The following CTNNA2 variants were observed in gnomAD, a reference collection of about 807,000 sequenced individuals.
CTNNA2 encodes catenin alpha 2.
In CTNNA2, 42 loss-of-function variants were observed where a neutral mutation model predicts 101.0. The ratio of observed to expected loss-of-function variants is 0.42; its 90% CI spans 0.32 to 0.54. The LOEUF (loss-of-function observed/expected upper bound fraction) is 0.54. Ranked by LOEUF, CTNNA2 falls within the 20% of genes least tolerant of loss-of-function variation. The pLI, the probability that CTNNA2 is intolerant of heterozygous loss-of-function variation, is 0.14. For synonymous variants in CTNNA2, 450 were observed against 456.4 expected, an observed-to-expected ratio of 0.99 and a Z score of 0.18; for missense variants, 871 against 1,223.1, an observed-to-expected ratio of 0.71 and a Z score of 4.29.
chr2:80,234,725 A>G (rs547652637), intron 7 of CTNNA2, among the ~76,000 whole-genome samples: 1 of 152,274 alleles, frequency 6.6e-6, no homozygotes, highest in African/African-American at 2.4e-5. Context: ...AATAAAAGGA[A>G]TGAAGAAAGA....
chr2:80,415,308 T>C (rs2149400507), intron 8 of CTNNA2, among the ~76,000 whole-genome samples: 1 of 152,294 alleles, frequency 6.6e-6, no homozygotes, highest in South Asian at 2.1e-4. Flanking sequence ...GAGTCTTTGA[T>C]AGTTCTTTGC....
At chr2:79,584,422 T>C (rs575534800) in intron 1 of CTNNA2, among the ~76,000 whole-genome samples, 11 of 152,290 alleles carry the variant, frequency 7.2e-5, no homozygotes, top group African/African-American at 2.6e-4. Context: ...GTTTTTAATA[T>C]ATTCAGTGTG....
intron 18 of CTNNA2, among the ~76,000 whole-genome samples, chr2:80,627,548 A>G (rs1307913109): frequency 1.3e-5 from 2 of 152,016 alleles, no homozygotes; most frequent in East Asian, 3.9e-4. Flanking sequence ...TCCTTTGCCC[A>G]CTTTTTGATG....
intron 7 of CTNNA2, among the ~76,000 whole-genome samples, chr2:80,165,236 T>C (rs1280456648): frequency 6.6e-6 from 1 of 151,920 alleles, no homozygotes; most frequent in Non-Finnish European, 1.5e-5. Flanking sequence ...AATTTATTTT[T>C]TTTTTCAATC....
chr2:79,451,369 G>A (rs1172931373), intron 4 of CTNNA2, among the ~76,000 whole-genome samples: 1 of 151,906 alleles, frequency 6.6e-6, no homozygotes, highest in African/African-American at 2.4e-5. Flanking sequence ...ATACGTTTTT[G>A]AAAAATTTTA....
At chr2:79,934,239 T>C (rs541912721) in intron 7 of CTNNA2, among the ~76,000 whole-genome samples, 376 of 152,322 alleles carry the variant, frequency 2.5e-3, no homozygotes, top group African/African-American at 8.3e-3. Flanking sequence ...ATTAAGAAGA[T>C]GAAAATCAAT....
chr2:80,429,550 A>G (rs912013623), intron 9 of CTNNA2, among the ~76,000 whole-genome samples: 4 of 152,178 alleles, frequency 2.6e-5, no homozygotes, highest in Admixed American at 6.5e-5. Flanking sequence ...TTCTGTCCCC[A>G]AAGTAATTGT....
chr2:79,686,780 G>A (rs1031832011), intron 2 of CTNNA2, among the ~76,000 whole-genome samples: 5 of 152,100 alleles, frequency 3.3e-5, no homozygotes, highest in Admixed American at 1.3e-4. Flanking sequence ...ACTGTACAGT[G>A]TGTTCCTGAT....
At chr2:79,859,647 C>T (rs1295649377) in intron 4 of CTNNA2, among the ~76,000 whole-genome samples, 1 of 151,548 alleles carries the variant, frequency 6.6e-6, no homozygotes. Flanking sequence ...TTCCTCTCCT[C>T]CTTAGGAATG....
intron 4 of CTNNA2, among the ~76,000 whole-genome samples, chr2:79,384,029 A>G (rs1678070117): frequency 6.6e-6 from 1 of 152,186 alleles, no homozygotes; most frequent in South Asian, 2.1e-4. Flanking sequence ...GAGAAATTGG[A>G]TGGTGCTTAC....
intron 9 of CTNNA2, among the ~76,000 whole-genome samples, chr2:80,520,237 G>A (rs1689426194): frequency 6.6e-6 from 1 of 151,936 alleles, no homozygotes; most frequent in African/African-American, 2.4e-5. Flanking sequence ...GAGACATAAA[G>A]GGATCAATAA....
At chr2:80,024,509 G>T (rs1444088705) in intron 7 of CTNNA2, among the ~76,000 whole-genome samples, 1 of 152,234 alleles carries the variant, frequency 6.6e-6, no homozygotes, top group African/African-American at 2.4e-5. Context: ...CCATCTGCAG[G>T]ATTCCTGAAG....
rs907971387 is a variant in CTNNA2, at chr2:79,971,620, A to G, written c.1056+61823A>G. Among the ~76,000 whole-genome samples the G allele has an allele frequency of 3.3e-5, 5 of 152,212 alleles. 1 individual carries two copies. The highest frequency in any genetic ancestry group is 3.3e-4 in the Admixed American group (5 of 15,266). On this transcript the variant is annotated intron_variant, in intron 7 of 18. Coordinates refer to ENST00000402739, the MANE Select transcript of CTNNA2 (RefSeq NM_001282597.3). ...CTTTAACGTATTGTCTTACATCACAAAAATGTGAGAGCAGAGGGATTTGAA... is the reference window on the plus strand; with the variant it reads ...CTTTAACGTATTGTCTTACATCACAGAAATGTGAGAGCAGAGGGATTTGAA...
At chr2:79,604,700 G>T (rs576543178) in intron 1 of CTNNA2, among the ~76,000 whole-genome samples, 34 of 152,152 alleles carry the variant, frequency 2.2e-4, no homozygotes, top group African/African-American at 8.2e-4. Context: ...ATTCACATAC[G>T]TTTGGGTCTA....
intron 7 of CTNNA2, among the ~76,000 whole-genome samples, chr2:80,097,674 G>T (rs1290958021): frequency 6.6e-6 from 1 of 152,174 alleles, no homozygotes; most frequent in South Asian, 2.1e-4. Context: ...TTTTCACAGA[G>T]TCCCATATTT....
rs561532904 is a variant in CTNNA2 at position 79,537,891 on chromosome 2, T to A, written c.-6+24684T>A. Among the ~76,000 whole-genome samples, 15 of 152,244 alleles carry A rather than the reference T, an allele frequency of 9.9e-5. No homozygotes were observed. In the South Asian group the frequency reaches 2.5e-3, roughly 25 times the overall value. ...GGTTTTGGACATTTGGGTTTTATAA[T>A]TTTATACCCCAAGTTGAAAATCTAA... On this transcript the variant is annotated intron_variant, in intron 1 of 18. Coordinates refer to ENST00000402739, the MANE Select transcript of CTNNA2 (RefSeq NM_001282597.3).
intron 7 of CTNNA2, among the ~76,000 whole-genome samples, chr2:80,169,343 G>C (rs2148959399): frequency 6.6e-6 from 1 of 152,288 alleles, no homozygotes; most frequent in South Asian, 2.1e-4. Flanking sequence ...GATGATAGTG[G>C]TGGCTGAGGT....
intron 3 of CTNNA2, among the ~76,000 whole-genome samples, chr2:79,757,327 A>G (rs957505334): frequency 6.6e-6 from 1 of 152,218 alleles, no homozygotes; most frequent in Admixed American, 6.5e-5. Context: ...GAACAAACAC[A>G]GTGTGAGTGC....
upstream of CTNNA2, among the ~76,000 whole-genome samples, chr2:79,509,941 A>G (rs1671499557): frequency 6.6e-6 from 1 of 152,216 alleles, no homozygotes; most frequent in Non-Finnish European, 1.5e-5. Context: ...AAGCAATGAA[A>G]TTGCTCAGGA....
Sources: allele counts gnomAD v4.1 joint callset (sites outside exome capture counted in the v4.1 genomes callset), GRCh38; gene constraint gnomAD v4.1.1; transcripts MANE v1.5; gene names NCBI Gene and HGNC (gene_info 2026-07-23, HGNC 2026-07-21).